Variants in BLMH observed in about 807,000 individuals in gnomAD.
BLMH encodes the protein BLM hydrolase.
In BLMH, 32 loss-of-function variants were observed where a neutral mutation model predicts 61.6. The ratio of observed to expected loss-of-function variants is 0.52; its 90% CI spans 0.39 to 0.70. BLMH has a LOEUF of 0.70. BLMH is among the 30% of genes least tolerant of loss of function. The pLI is 0.00. For synonymous variants in BLMH, 183 were observed against 193.8 expected, an observed-to-expected ratio of 0.94 and a Z score of 0.46; for missense variants, 460 against 555.5, an observed-to-expected ratio of 0.83 and a Z score of 1.73.
Position 30,266,948 on chromosome 17 carries a change from G to A in BLMH, c.1153C>T (p.Gln385Ter), listed in dbSNP as rs1343909802. The A allele has an allele frequency of 6.2e-7, 1 of 1,614,024 alleles. No homozygotes were observed. Among genetic ancestry groups the A allele is most frequent in the Non-Finnish European group, 8.5e-7 (1 of 1,179,946 alleles). ...CTCCATTTTGTGAAAGCACCATCCT[G>A]ATCATCCTGCAAAAAAGTGGATGAT... ...TFTAVSEKDD[Q>*]DGAFTKWRVE... The change falls in exon 11 of 12, where the codon CAG (glutamine) becomes TAG (stop). Residue 385 changes from glutamine (Q) to a stop codon, truncating the protein, a stop_gained. Coordinates refer to ENST00000261714, the MANE Select transcript of BLMH (RefSeq NM_000386.4). LOFTEE classifies it high-confidence loss of function.
At chr17:30,271,680 A>C (rs533379169) in intron 9 of BLMH, among the ~76,000 whole-genome samples, 1 of 152,250 alleles carries the variant, frequency 6.6e-6, no homozygotes, top group Non-Finnish European at 1.5e-5. Context: ...AGAAAACTTT[A>C]AAAAATAATG....
intron 11 of BLMH, among the ~76,000 whole-genome samples, chr17:30,265,830 C>G (rs1908088853): frequency 6.6e-6 from 1 of 152,040 alleles, no homozygotes; most frequent in Non-Finnish European, 1.5e-5. Context: ...GGTTTGGAAC[C>G]CTAAAAATTA....
At chr17:30,271,543 G>A in intron 9 of BLMH, 155 bp from the exon 10 acceptor site, 1 of 593,232 alleles carries the variant, frequency 1.7e-6, no homozygotes, top group Non-Finnish European at 3.0e-6. Context: ...TATGGAACAT[G>A]CAGAACTTAG....
In BLMH at chr17:30,291,427, G is replaced by C. The variant is rs1400186549; in HGVS notation, c.95C>G (p.Thr32Ser). The C allele has an allele frequency of 1.3e-5, 21 of 1,614,232 alleles. No homozygotes were observed. The highest frequency in any genetic ancestry group is 1.7e-5 in the Non-Finnish European group (20 of 1,180,046). The change falls in exon 2 of 12, where the codon ACC becomes AGC. Residue 32 changes from threonine to serine, a missense_variant. Thr to Ser is a moderately conservative substitution (Grantham distance 58). This residue lies in a region of BLMH where 86 missense variants were observed against 84.5 expected (regional missense o/e 1.02). Coordinates refer to ENST00000261714, the MANE Select transcript of BLMH (RefSeq NM_000386.4). Reference protein sequence around the residue: ...PQFVLAQNVGTTHDLLDICLK... With the variant: ...PQFVLAQNVGSTHDLLDICLK... ...ACAGATGTCCAGCAGGTCGTGGGTG[G>C]TCCCGACATTCTGGGCAAGTACGAA...
intron 9 of BLMH, chr17:30,272,305 G>A (rs1323389247): frequency 7.7e-6 from 4 of 518,626 alleles, no homozygotes; most frequent in African/African-American, 5.7e-5. Context: ...CTTTCTCATA[G>A]AGGATGGCTT....
At chr17:30,252,851 A>G (rs547647889) in intron 11 of BLMH, among the ~76,000 whole-genome samples, 5 of 152,234 alleles carry the variant, frequency 3.3e-5, no homozygotes, top group Admixed American at 6.5e-5. Flanking sequence ...TATATTCCAA[A>G]CTTCCTGGCT....
intron 6 of BLMH, among the ~76,000 whole-genome samples, chr17:30,283,823 A>C (rs1408633053): frequency 1.3e-5 from 2 of 151,996 alleles, no homozygotes; most frequent in Non-Finnish European, 2.9e-5. Flanking sequence ...CCTGGCCCCC[A>C]CCATCTTAAT....
At chr17:30,286,001 T>C (rs1908717938) in intron 5 of BLMH, among the ~76,000 whole-genome samples, 1 of 152,238 alleles carries the variant, frequency 6.6e-6, no homozygotes, top group African/African-American at 2.4e-5. Context: ...CTAAAGAGGA[T>C]GTTGCTCTGA....
intron 11 of BLMH, among the ~76,000 whole-genome samples, chr17:30,261,529 G>C (rs927708783): frequency 1.4e-4 from 21 of 152,080 alleles, no homozygotes; most frequent in Non-Finnish European, 4.4e-5. Context: ...TCATTTGATG[G>C]CTACATACAA....
intron 7 of BLMH, chr17:30,273,187 G>C (rs1321513559): frequency 4.1e-6 from 1 of 245,096 alleles, no homozygotes; most frequent in African/African-American, 2.5e-5. Context: ...TTTTTTTTGA[G>C]ACAGAATCTC....
At chr17:30,260,775 C>G (rs559386895) in intron 11 of BLMH, among the ~76,000 whole-genome samples, 41 of 152,176 alleles carry the variant, frequency 2.7e-4, no homozygotes, top group African/African-American at 9.9e-4. Context: ...CCCAGCTACT[C>G]AGGAGGCTGA....
chr17:30,283,810 G>A (rs994929536), intron 6 of BLMH, among the ~76,000 whole-genome samples: 6 of 152,066 alleles, frequency 3.9e-5, no homozygotes, highest in Admixed American at 6.5e-5. Flanking sequence ...ATGAGCCACC[G>A]TGCCTGGCCC....
chr17:30,275,752 A>G (rs1408585912), intron 6 of BLMH, among the ~76,000 whole-genome samples: 1 of 152,006 alleles, frequency 6.6e-6, no homozygotes, highest in Non-Finnish European at 1.5e-5. Context: ...CAGAATAAAG[A>G]AAGTATTTTA....
rs1907579714 is a variant in BLMH, at chr17:30,248,256, A to G, written c.*761T>C. 6.6e-6 allele frequency: 1 copy of G among 152,604 alleles called. No homozygotes were observed. Among genetic ancestry groups the G allele is most frequent in the Admixed American group, 6.5e-5 (1 of 15,270 alleles). The allele number at this position is 152,604 out of a possible 1,614,324, so 9.5% of individuals were successfully genotyped here. On this transcript the variant is annotated 3_prime_UTR_variant, in exon 12 of 12. Transcript: ENST00000261714. The stretch of plus-strand genomic sequence containing the variant: ...AGCTTCTCAGCACCATCTAGTTATC[A>G]GAAAGAATGGATATCACCTTTTCCT...
chr17:30,264,812 C>T (rs1188542125), intron 11 of BLMH, among the ~76,000 whole-genome samples: 4 of 152,200 alleles, frequency 2.6e-5, no homozygotes, highest in African/African-American at 9.6e-5. Context: ...AACTCAGTAT[C>T]TTATGTTTGC....
At chr17:30,271,483 C>A in intron 9 of BLMH, 95 bp from the exon 10 acceptor site, 4 of 840,510 alleles carry the variant, frequency 4.8e-6, no homozygotes, top group Non-Finnish European at 8.0e-6. Context: ...ACTGAAGGGG[C>A]TCAACAGCTC....
chr17:30,271,759 G>T (rs1908278035), intron 9 of BLMH, among the ~76,000 whole-genome samples: 1 of 152,110 alleles, frequency 6.6e-6, no homozygotes, highest in Non-Finnish European at 1.5e-5. Context: ...ACCAGTTTCT[G>T]AATTCATTTA....
At chr17:30,267,837 A>G (rs1291969702) in intron 10 of BLMH, among the ~76,000 whole-genome samples, 2 of 152,200 alleles carry the variant, frequency 1.3e-5, no homozygotes, top group Non-Finnish European at 2.9e-5. Context: ...TCACCCCTGT[A>G]TTATCGCCTA....
chr17:30,259,174 TG>T lies in BLMH; in HGVS notation c.1216+7710del, dbSNP rs1223708480. Among the ~76,000 whole-genome samples the T allele has an allele frequency of 5.3e-5, 8 of 152,352 alleles. No individual in the cohort carries two copies. The East Asian group carries it at 1.5e-3, about 29-fold the overall frequency. On this transcript the variant is annotated intron_variant, in intron 11 of 11. Coordinates refer to ENST00000261714, the MANE Select transcript of BLMH (RefSeq NM_000386.4). ...CTTACAATAGGTTACAAACACCATA[TG>T]GGGCCAAGATTTACAGCCTTAATTG...
Sources: gnomAD v4.1 joint callset for allele counts (sites outside exome capture counted in the v4.1 genomes callset) on GRCh38, gnomAD v4.1.1 for gene constraint, gnomAD v4.1.1 regional missense constraint, MANE v1.5 for transcripts, NCBI Gene and HGNC (gene_info 2026-07-23, HGNC 2026-07-21) for gene names.